The following SH3RF2 variants were observed in gnomAD, a reference collection of about 807,000 sequenced individuals.
SH3RF2 encodes SH3 domain containing ring finger 2, also known as E3 ubiquitin-protein ligase SH3RF2.
Under a neutral mutation model 59.0 loss-of-function variants are expected in SH3RF2, and 43 were observed. That is an observed-to-expected ratio of 0.73 (90% CI 0.57 to 0.94). The LOEUF (loss-of-function observed/expected upper bound fraction) is 0.94, where lower values mean the gene tolerates loss of function less well. Ranked by LOEUF, SH3RF2 falls within the 40% of genes least tolerant of loss-of-function variation. SH3RF2 has a pLI of 0.00. For missense variants in SH3RF2, 930 were observed against 940.1 expected (o/e 0.99, Z 0.14); for synonymous variants, 391 against 391.5 (o/e 1.00, Z 0.01).
intron 5 of SH3RF2, among the ~76,000 whole-genome samples, chr5:146,024,981 G>T (rs533182571): frequency 6.6e-6 from 1 of 152,088 alleles, no homozygotes; most frequent in African/African-American, 2.4e-5. Context: ...CCTTTTACCG[G>T]GTGGTTTGAA....
chr5:146,068,486 A>T (rs1181999997), intron 9 of SH3RF2, among the ~76,000 whole-genome samples: 1 of 152,224 alleles, frequency 6.6e-6, no homozygotes, highest in Non-Finnish European at 1.5e-5. Context: ...AGAAGATAGT[A>T]CTAGCACTTC....
chr5:145,962,042 A>G (rs1758649767), intron 2 of SH3RF2, among the ~76,000 whole-genome samples: 1 of 152,190 alleles, frequency 6.6e-6, no homozygotes, highest in Admixed American at 6.5e-5. Flanking sequence ...TCATTCTTTA[A>G]GCTCTTAATC....
chr5:145,968,984 A>C (rs1031089841), intron 2 of SH3RF2, among the ~76,000 whole-genome samples: 1 of 152,174 alleles, frequency 6.6e-6, no homozygotes, highest in Non-Finnish European at 1.5e-5. Flanking sequence ...TTTACTTTTT[A>C]ATTATATACA....
chr5:145,963,994 G>A (rs1057087918), intron 2 of SH3RF2, among the ~76,000 whole-genome samples: 2 of 151,448 alleles, frequency 1.3e-5, no homozygotes, highest in Non-Finnish European at 1.5e-5. Flanking sequence ...CACCGCGCCC[G>A]GCTAATTTTT....
chr5:146,012,542 C>G (rs1229576385), intron 4 of SH3RF2, among the ~76,000 whole-genome samples: 6 of 152,060 alleles, frequency 3.9e-5, no homozygotes, highest in Non-Finnish European at 2.9e-5. Context: ...AATTTCAGAG[C>G]CTGTTATTGG....
At chr5:146,010,841 C>G (rs1302211384) in intron 4 of SH3RF2, among the ~76,000 whole-genome samples, 1 of 152,162 alleles carries the variant, frequency 6.6e-6, no homozygotes, top group Non-Finnish European at 1.5e-5. Flanking sequence ...CCTGTTCACT[C>G]CGATGGCAGT....
chr5:145,952,615 T>C (rs907734345), intron 2 of SH3RF2, among the ~76,000 whole-genome samples: 30 of 152,300 alleles, frequency 2.0e-4, no homozygotes, highest in African/African-American at 6.7e-4. Context: ...GATATAACCA[T>C]GAACAAGACA....
At chr5:145,963,546 C>T (rs946925663) in intron 2 of SH3RF2, among the ~76,000 whole-genome samples, 3 of 152,136 alleles carry the variant, frequency 2.0e-5, no homozygotes, top group African/African-American at 7.2e-5. Context: ...AAATTTTATA[C>T]TGGAAGGTAT....
At chr5:146,022,821 G>A (rs1244411573) in intron 5 of SH3RF2, among the ~76,000 whole-genome samples, 2 of 151,586 alleles carry the variant, frequency 1.3e-5, no homozygotes, top group Non-Finnish European at 2.9e-5. Flanking sequence ...GCAGTGAGCC[G>A]AGATCTTGCC....
chr5:145,973,130 A>C (rs1759152511), intron 2 of SH3RF2, among the ~76,000 whole-genome samples: 1 of 152,232 alleles, frequency 6.6e-6, no homozygotes, highest in Non-Finnish European at 1.5e-5. Context: ...TTAAATGATT[A>C]AGAATTAGCC....
Position 146,057,928 on chromosome 5 carries a change from GTCTCTCTCTCTCTC to G in SH3RF2, c.1555+1743_1555+1756del, listed in dbSNP as rs58826823. Among the ~76,000 whole-genome samples the G allele has an allele frequency of 3.7e-4, 49 of 133,232 alleles. 1 individual carries two copies. The highest frequency in any genetic ancestry group is 5.0e-4 in the South Asian group (2 of 3,974). The allele number at this position is 133,232 out of a possible 152,430, so 87.4% of individuals were successfully genotyped here. A position where few individuals can be genotyped will look rare whatever the true frequency, so the allele number is the denominator to read the frequency against. ...CTGTACTCCAGTCTGGGCTGTTAGT[GTCTCTCTCTCTCTC>G]TCTCTCTCTCTCTCTCTCTCTCTCT... On this transcript the variant is annotated intron_variant, in intron 8 of 9. Transcript: ENST00000359120.
At position 146,057,980 on chromosome 5, in the gene SH3RF2, C is replaced by CTATA. The variant is rs1196213101; in HGVS notation, c.1555+1770_1555+1771insATAT. On this transcript the variant is annotated intron_variant, in intron 8 of 9. Transcript: ENST00000359120. Reference sequence around the variant, plus strand: ...TCTCTCTCTCTCTCTATCTATCTATCTATCTATATATATATATTTGATTTA... The same window carrying CTATA: ...TCTCTCTCTCTCTCTATCTATCTATCTATATATCTATATATATATATTTGATTTA... Among the ~76,000 whole-genome samples the CTATA allele has an allele frequency of 6.3e-3, 810 of 129,220 alleles. 2 individuals are homozygous for CTATA. The highest frequency in any genetic ancestry group is 0.018 in the African/African-American group (636 of 35,496). The allele number at this position is 129,220 out of a possible 152,430, so 84.8% of individuals were successfully genotyped here.
At chr5:146,057,297 G>A (rs955973196) in intron 8 of SH3RF2, among the ~76,000 whole-genome samples, 15 of 152,084 alleles carry the variant, frequency 9.9e-5, no homozygotes, top group African/African-American at 3.4e-4. Context: ...ATGACTCTGG[G>A]CACTTCATTC....
intron 2 of SH3RF2, among the ~76,000 whole-genome samples, chr5:145,947,769 A>G: frequency 6.6e-6 from 1 of 152,220 alleles, no homozygotes. Flanking sequence ...ACAGACACAT[A>G]TAAGATGTCT....
chr5:146,006,905 G>A (rs768413928), intron 4 of SH3RF2, among the ~76,000 whole-genome samples: 20 of 152,124 alleles, frequency 1.3e-4, no homozygotes, highest in Non-Finnish European at 1.9e-4. Context: ...TGGAACATGT[G>A]GGCTTCCTAG....
At chr5:145,995,008 A>T (rs920361193) in intron 2 of SH3RF2, among the ~76,000 whole-genome samples, 5 of 29,180 alleles carry the variant, frequency 1.7e-4, no homozygotes, top group African/African-American at 4.4e-4. Flanking sequence ...CATAAATAAT[A>T]AAAAAAAAGC....
intron 7 of SH3RF2, among the ~76,000 whole-genome samples, chr5:146,054,877 G>T (rs1310434757): frequency 6.6e-6 from 1 of 152,200 alleles, no homozygotes; most frequent in Non-Finnish European, 1.5e-5. Flanking sequence ...AGTTGAGTTG[G>T]TTATTCCCAG....
At chr5:146,021,470 C>T (rs988501325) in intron 5 of SH3RF2, among the ~76,000 whole-genome samples, 3 of 152,140 alleles carry the variant, frequency 2.0e-5, no homozygotes, top group Non-Finnish European at 2.9e-5. Context: ...AGAGAGGAGG[C>T]ACCATTAGAT....
chr5:146,012,291 C>T lies in SH3RF2; in HGVS notation c.745-1456C>T, dbSNP rs141484036. On this transcript the variant is annotated intron_variant, in intron 4 of 9. Transcript: ENST00000359120. The stretch of plus-strand genomic sequence containing the variant: ...AGTATTTTATTGAGGATTTTTGCAT[C>T]GATGTTCATCAGGGATATTGGTCTA... Among the ~76,000 whole-genome samples, 918 of 152,190 alleles carry T rather than the reference C, an allele frequency of 6.0e-3. 5 individuals carry two copies. Among genetic ancestry groups the T allele is most frequent in the Non-Finnish European group, 0.011 (768 of 68,020 alleles).
Sources: allele counts gnomAD v4.1 joint callset (sites outside exome capture counted in the v4.1 genomes callset), GRCh38; gene constraint gnomAD v4.1.1; transcripts MANE v1.5; gene names NCBI Gene and HGNC (gene_info 2026-07-23, HGNC 2026-07-21).